ABCA3: variants seen among roughly 807,000 people sequenced by gnomAD.
ABCA3 encodes the protein phospholipid-transporting ATPase ABCA3.
In ABCA3, 88 loss-of-function variants were observed where a neutral mutation model predicts 172.8. The observed-to-expected ratio is 0.51, with a 90% CI of 0.43 to 0.61. ABCA3 has a LOEUF of 0.61. Ranked by LOEUF, ABCA3 falls within the 20% of genes least tolerant of loss-of-function variation. ABCA3 has a pLI of 0.00. For synonymous variants in ABCA3, 1,066 were observed against 983.8 expected (o/e 1.08, Z -1.56); for missense variants, 2,164 against 2,301.0 (o/e 0.94, Z 1.22).
At chr16:2,304,281 T>C in intron 11 of ABCA3, 131 bp from the exon 12 acceptor site, 1 of 912,184 alleles carries the variant, frequency 1.1e-6, no homozygotes, top group Non-Finnish European at 1.8e-6. Context: ...GCCTTTTCCC[T>C]TCCCGGTTTT....
chr16:2,285,316 C>A lies in ABCA3; in HGVS notation c.3483+126G>T. On this transcript the variant is annotated intron_variant, in intron 23 of 32. Coordinates refer to ENST00000301732, the MANE Select transcript of ABCA3 (RefSeq NM_001089.3). This position sits in a 1 kb window ranked among gnomAD's most constrained non-coding sequence, Gnocchi z 4.7. ...GCAGCCGCCAGGGGATTCCAGCTGT[C>A]CTCCCTGAGTCGGGCCGAGCTGCCG... 8.5e-7 allele frequency: 1 copy of A among 1,179,266 alleles called. No homozygotes were observed. The allele number at this position is 1,179,266 out of a possible 1,614,324, so 73.1% of individuals were successfully genotyped here.
rs556996851 is a variant in ABCA3, at chr16:2,304,019, C to T, written c.1417G>A (p.Val473Ile). 9.8e-5 allele frequency: 158 copies of T among 1,614,184 alleles called. No individual in the cohort carries two copies. Among genetic ancestry groups the T allele is most frequent in the South Asian group, 8.5e-4 (77 of 91,082 alleles). ...GGCACGCCGAACTGCCCTGGGAAGA[C>T]GGCCTCCATGTACCAGGTCACCAGG... ...YGLVTWYMEA[V>I]FPGQFGVPQP... The change falls in exon 12 of 33, where the codon GTC becomes ATC. Residue 473 changes from valine to isoleucine, a missense_variant. By Grantham distance (29) the Val-to-Ile change is conservative. Around this residue, in one of 3 missense-constraint regions of ABCA3, gnomAD observed 1,343 missense variants for 1,369.6 expected, o/e 0.98. Coordinates refer to ENST00000301732, the MANE Select transcript of ABCA3 (RefSeq NM_001089.3).
At chr16:2,337,298 C>T (rs1425067408) in intron 1 of ABCA3, among the ~76,000 whole-genome samples, 2 of 151,552 alleles carry the variant, frequency 1.3e-5, no homozygotes, top group South Asian at 2.1e-4. Flanking sequence ...ATTTATAACA[C>T]ATAATATATA....
Position 2,278,211 on chromosome 16 carries a change from G to A in ABCA3, c.4718+77C>T. On this transcript the variant is annotated intron_variant, in intron 30 of 32. Transcript: ENST00000301732. The surrounding 1 kb of genome is among the most constrained non-coding windows in gnomAD (Gnocchi z 4.4). ...GGCAGACTCTGCACCAGATGCTGAT[G>A]GGTCTCCTGGCCACCTGGCTCCTCC... 1 of 1,598,744 alleles carries A rather than the reference G, an allele frequency of 6.3e-7. No homozygotes were observed. Among genetic ancestry groups the A allele is most frequent in the Non-Finnish European group, 8.5e-7 (1 of 1,177,280 alleles).
At chr16:2,303,812 G>A (rs546714564) in intron 12 of ABCA3, among the ~76,000 whole-genome samples, 157 bp downstream of exon 12, 41 of 152,134 alleles carry the variant, frequency 2.7e-4, no homozygotes, top group Admixed American at 2.0e-3. Flanking sequence ...AAGGGCCCTC[G>A]GGGGACACGC....
Position 2,317,671 on chromosome 16 carries a change from T to C in ABCA3, c.967A>G (p.Met323Val), listed in dbSNP as rs758282039. 5 of 1,614,014 alleles carry C rather than the reference T, an allele frequency of 3.1e-6. No homozygotes were observed. Among genetic ancestry groups the C allele is most frequent in the Admixed American group, 1.7e-5 (1 of 60,006 alleles). ...ACCTTGACACAGAAGAGCAGGGTCA[T>C]GAAGGAGGCGGCGATGAGGAGGAAG... The part of the protein sequence containing the change: ...FLFLLIAASF[M>V]TLLFCVKVKP... Residue 323 changes from methionine to valine, a missense_variant, in exon 9 of 33, where the codon ATG (methionine) becomes GTG (valine). Transcript: ENST00000301732.
chr16:2,290,003 C>CACA (rs2093669573), intron 19 of ABCA3, among the ~76,000 whole-genome samples: 1 of 99,382 alleles, frequency 1.0e-5, no homozygotes, highest in South Asian at 3.5e-4. Flanking sequence ...ACACACACAC[C>CACA]CCTTCCTAGA....
intron 15 of ABCA3, 140 bp downstream of exon 15, chr16:2,298,246 C>T: frequency 1.4e-6 from 2 of 1,395,732 alleles, no homozygotes; most frequent in Non-Finnish European, 2.0e-6. Context: ...AGAGGAACCT[C>T]TCCTTGACGT....
chr16:2,325,721 C>T (rs1056900089), intron 5 of ABCA3, among the ~76,000 whole-genome samples: 2 of 152,200 alleles, frequency 1.3e-5, no homozygotes, highest in African/African-American at 4.8e-5. Context: ...ATTTTCTAAC[C>T]TGTTCTGCCC....
chr16:2,277,467 G>T lies in ABCA3; in HGVS notation c.4983+130C>A. The T allele has an allele frequency of 1.1e-6, 1 of 944,252 alleles. No homozygotes were observed. The highest frequency in any genetic ancestry group is 1.7e-6 in the Non-Finnish European group (1 of 602,034). 58.5% of individuals were successfully genotyped at this position (944,252 alleles called of 1,614,324 possible). On this transcript the variant is annotated intron_variant, in intron 32 of 32. Transcript: ENST00000301732. The surrounding 1 kb of genome is among the most constrained non-coding windows in gnomAD (Gnocchi z 5.3). ...CCCCCAAACCAGCACGTATCAGGCT[G>T]AGTGTTAGGGGAGAAATGGAAAGTG...
At position 2,278,359 on chromosome 16, in the gene ABCA3, G is replaced by T; in HGVS notation, c.4647C>A (p.Ala1549=). Residue 1549 remains alanine, a synonymous_variant, in exon 30 of 33, where the codon GCC becomes GCA. Transcript: ENST00000301732. The surrounding 1 kb of genome is among the most constrained non-coding windows in gnomAD (Gnocchi z 4.4). Reference sequence around the variant, plus strand: ...CCACGGTGTCCCAAAGCAGGCGCCGGGCCACGGGGTCCATGCCAGTGGACG... The same window carrying T: ...CCACGGTGTCCCAAAGCAGGCGCCGTGCCACGGGGTCCATGCCAGTGGACG... ...DEPSTGMDPV[A]RRLLWDTVAR... The T allele has an allele frequency of 1.2e-6, 2 of 1,612,282 alleles. No individual in the cohort carries two copies.
intron 20 of ABCA3, chr16:2,289,031 T>G (rs999774294): frequency 5.3e-6 from 1 of 188,480 alleles, no homozygotes; most frequent in Non-Finnish European, 1.1e-5. Flanking sequence ...GCGTCAGGGC[T>G]TTGAGATCAG....
chr16:2,308,982 G>A (rs533385103), intron 10 of ABCA3, among the ~76,000 whole-genome samples: 109 of 151,966 alleles, frequency 7.2e-4, no homozygotes, highest in African/African-American at 2.5e-3. Context: ...GTCTTGCTCT[G>A]TCGCCCAGGC....
At chr16:2,303,293 C>T (rs886574442) in intron 12 of ABCA3, among the ~76,000 whole-genome samples, 40 of 148,290 alleles carry the variant, frequency 2.7e-4, no homozygotes, top group Admixed American at 1.6e-3. Context: ...GACAGACTCT[C>T]GCTGTGTTGC....
chr16:2,289,416 A>G lies in ABCA3; in HGVS notation c.2700+18T>C, dbSNP rs2093668328. On this transcript the variant is annotated intron_variant, in intron 20 of 32. Transcript: ENST00000301732. ...CTCGCCCTTCCCCCGCCACCCGCCC[A>G]CCCACCTGGGCACTCACCCCAGTGT... 2 of 1,100,472 alleles carry G rather than the reference A, an allele frequency of 1.8e-6. No individual in the cohort carries two copies. Among genetic ancestry groups the G allele is most frequent in the Non-Finnish European group, 2.6e-6 (2 of 775,154 alleles). The allele number at this position is 1,100,472 out of a possible 1,614,324, so 68.2% of individuals were successfully genotyped here.
chr16:2,311,869 C>G (rs1046796244), intron 10 of ABCA3, among the ~76,000 whole-genome samples: 3 of 152,022 alleles, frequency 2.0e-5, no homozygotes, highest in African/African-American at 7.2e-5. Flanking sequence ...GTTGTCCAGG[C>G]TGGTCTTGAA....
In ABCA3 at chr16:2,278,322, C is replaced by G; in HGVS notation, c.4684G>C (p.Glu1562Gln). ...GTGATGATGATGGCCTTGCCAGACT[C>G]TCGGGCTCGTGCCACGGTGTCCCAA... is the stretch of plus-strand genomic sequence containing the variant. The part of the protein sequence containing the change: ...LLWDTVARAR[E>Q]SGKAIIITSH... The change falls in exon 30 of 33, where the codon GAG becomes CAG. Residue 1562 changes from glutamate (E) to glutamine (Q), a missense_variant. Physicochemically the swap from Glu to Gln is conservative, Grantham distance 29 (BLOSUM62 2). Around this residue, in one of 3 missense-constraint regions of ABCA3, gnomAD observed 795 missense variants for 881.9 expected, o/e 0.90. Coordinates refer to ENST00000301732, the MANE Select transcript of ABCA3 (RefSeq NM_001089.3). The surrounding 1 kb of genome is among the most constrained non-coding windows in gnomAD (Gnocchi z 4.4). 6.2e-7 allele frequency: 1 copy of G among 1,610,516 alleles called. No individual in the cohort carries two copies. The highest frequency in any genetic ancestry group is 8.5e-7 in the Non-Finnish European group (1 of 1,179,998).
intron 32 of ABCA3, 35 bp from the exon 33 acceptor site, chr16:2,276,840 A>G: frequency 6.2e-7 from 1 of 1,612,702 alleles, no homozygotes. Flanking sequence ...GTAGGAGAGA[A>G]CAGGGCCCAG....
rs761060771 is a variant in ABCA3 at position 2,278,269 on chromosome 16, C to A, written c.4718+19G>T. 15 of 1,605,512 alleles carry A rather than the reference C, an allele frequency of 9.3e-6. No individual in the cohort carries two copies. The African/African-American group carries it at 1.7e-4, about 19-fold the overall frequency. Reference sequence around the variant, plus strand: ...ACCCGGTGCTGAAACTTCCAGTAACCCACAGACCCAGGCTCTACCTGTGGG... The same window carrying A: ...ACCCGGTGCTGAAACTTCCAGTAACACACAGACCCAGGCTCTACCTGTGGG... On this transcript the variant is annotated intron_variant, in intron 30 of 32. Transcript: ENST00000301732. The surrounding 1 kb of genome is among the most constrained non-coding windows in gnomAD (Gnocchi z 4.4).
Sources: allele counts gnomAD v4.1 joint callset (sites outside exome capture counted in the v4.1 genomes callset), GRCh38; gene constraint gnomAD v4.1.1; regional missense constraint gnomAD v4.1.1; non-coding constraint Gnocchi (gnomAD v3.1); transcripts MANE v1.5; gene names NCBI Gene and HGNC (gene_info 2026-07-23, HGNC 2026-07-21).